The following YAF2 variants were observed in gnomAD, a reference collection of about 807,000 sequenced individuals.
The protein encoded by YAF2 is YY1-associated factor 2.
In YAF2, 7 loss-of-function variants were observed where a neutral mutation model predicts 20.1. The observed-to-expected ratio is 0.35, with a 90% CI of 0.20 to 0.65. The LOEUF is 0.65. YAF2 is among the 30% of genes least tolerant of loss of function. YAF2 has a pLI of 0.69. For missense variants in YAF2, 151 were observed against 219.2 expected (o/e 0.69, Z 1.96); for synonymous variants, 74 against 76.0 (o/e 0.97, Z 0.14).
chr12:42,232,697 A>G (rs1358255959), intron 2 of YAF2: 1 of 985,286 alleles, frequency 1.0e-6, no homozygotes, highest in Admixed American at 6.2e-5. Context: ...CCAAACCTCA[A>G]ATTTGAAGAC....
intron 3 of YAF2, 41 bp from the exon 4 acceptor site, chr12:42,160,867 C>T (rs763541805): frequency 2.0e-6 from 3 of 1,522,622 alleles, no homozygotes; most frequent in Non-Finnish European, 2.7e-6. Context: ...GCTTTTCCCT[C>T]TACCAAATTT....
chr12:42,203,752 T>G (rs2066963893), intron 2 of YAF2, among the ~76,000 whole-genome samples: 1 of 152,212 alleles, frequency 6.6e-6, no homozygotes, highest in Admixed American at 6.5e-5. Context: ...TAAGACTGAA[T>G]GTAATATATT....
intron 2 of YAF2, among the ~76,000 whole-genome samples, chr12:42,165,272 T>G (rs2065886755): frequency 6.6e-6 from 1 of 152,160 alleles, no homozygotes; most frequent in Non-Finnish European, 1.5e-5. Context: ...AAATAACTTC[T>G]GTCCATGTTT....
chr12:42,234,039 C>T (rs1010260080), intron 2 of YAF2: 12 of 635,784 alleles, frequency 1.9e-5, no homozygotes, highest in East Asian at 1.4e-4. Context: ...GGTGTGGTGG[C>T]GGGCACCTGT....
At chr12:42,161,192 C>A in intron 3 of YAF2, 1 of 286,596 alleles carries the variant, frequency 3.5e-6, no homozygotes, top group Non-Finnish European at 6.5e-6. Flanking sequence ...GAGCTATATG[C>A]AAGGAAGACT....
chr12:42,198,613 A>C (rs2066817047), intron 2 of YAF2, among the ~76,000 whole-genome samples: 1 of 152,232 alleles, frequency 6.6e-6, no homozygotes, highest in African/African-American at 2.4e-5. Context: ...TATCAGAATG[A>C]AACATCACAT....
intron 2 of YAF2, among the ~76,000 whole-genome samples, chr12:42,189,316 C>G (rs1592206420): frequency 6.6e-6 from 1 of 152,202 alleles, no homozygotes; most frequent in Middle Eastern, 3.4e-3. Context: ...TGGTCTGGAG[C>G]CTGGGATTTG....
Position 42,209,828 on chromosome 12 carries a change from C to T in YAF2, c.152+27771G>A, listed in dbSNP as rs185667186. Among the ~76,000 whole-genome samples, 29 of 152,254 alleles carry T rather than the reference C, an allele frequency of 1.9e-4. 1 individual carries two copies. The highest frequency in any genetic ancestry group is 1.2e-3 in the Admixed American group (18 of 15,292). ...TTTTTTGTTTTTTGAGACAGAGTTT[C>T]GCTCTTGTTGCCCAGGTTGGAGTGC... is the stretch of plus-strand genomic sequence containing the variant. On this transcript the variant is annotated intron_variant, in intron 2 of 3. Coordinates refer to ENST00000534854, the MANE Select transcript of YAF2 (RefSeq NM_005748.6).
At chr12:42,213,004 G>A (rs2067254945) in intron 2 of YAF2, among the ~76,000 whole-genome samples, 1 of 152,182 alleles carries the variant, frequency 6.6e-6, no homozygotes, top group African/African-American at 2.4e-5. Flanking sequence ...AGATCAAGGA[G>A]CAATAATGCA....
intron 2 of YAF2, among the ~76,000 whole-genome samples, chr12:42,228,186 G>T (rs368919573): frequency 0.12 from 4,171 of 34,872 alleles, 61 homozygotes; most frequent in African/African-American, 0.18. Flanking sequence ...CGCCCCGTCC[G>T]GGAGGGAGGT....
chr12:42,224,206 G>C (rs1050710659), intron 2 of YAF2, among the ~76,000 whole-genome samples: 3 of 151,946 alleles, frequency 2.0e-5, no homozygotes, highest in African/African-American at 7.3e-5. Context: ...ACCCTTAAAG[G>C]CTAGAATTGG....
intron 2 of YAF2, chr12:42,233,488 T>G: frequency 5.1e-6 from 5 of 982,488 alleles, no homozygotes; most frequent in Non-Finnish European, 6.0e-6. Context: ...CCTTAATATT[T>G]AATATTTCAT....
intron 2 of YAF2, chr12:42,210,589 G>A (rs986763000): frequency 1.3e-6 from 2 of 1,536,040 alleles, no homozygotes; most frequent in Non-Finnish European, 1.7e-6. Flanking sequence ...TGGTCCTCGA[G>A]GCACTCACAA....
At chr12:42,235,529 T>C (rs2068121342) in intron 2 of YAF2, 8 of 1,326,688 alleles carry the variant, frequency 6.0e-6, no homozygotes, top group Non-Finnish European at 7.7e-6. Context: ...AGCTCTTAGG[T>C]TTAACTTAGA....
intron 2 of YAF2, among the ~76,000 whole-genome samples, chr12:42,171,483 C>T (rs1187268387): frequency 2.0e-5 from 3 of 150,322 alleles, no homozygotes; most frequent in Non-Finnish European, 4.4e-5. Flanking sequence ...GACTGGGCAA[C>T]GTGGTATGAC....
chr12:42,199,969 A>C (rs912778202), intron 2 of YAF2, among the ~76,000 whole-genome samples: 1 of 152,330 alleles, frequency 6.6e-6, no homozygotes, highest in African/African-American at 2.4e-5. Flanking sequence ...AATCAATGGA[A>C]GACATCTCAA....
rs199878593 is a variant in YAF2, at chr12:42,212,738, TCTTA to T, written c.152+24857_152+24860del. 1.2e-3 allele frequency among the ~76,000 whole-genome samples: 187 copies of T among 152,374 alleles called. 1 individual carries two copies. The South Asian group carries it at 0.031, about 25-fold the overall frequency. ...AAGATTGTCAAGATCTGTGATAGAT[TCTTA>T]CTTAAATTTAAGATACAAATTGCCT... On this transcript the variant is annotated intron_variant, in intron 2 of 3. Transcript: ENST00000534854.
chr12:42,189,198 C>A (rs1592206217), intron 2 of YAF2, among the ~76,000 whole-genome samples: 1 of 152,030 alleles, frequency 6.6e-6, no homozygotes, highest in African/African-American at 2.4e-5. Flanking sequence ...TTTCAGAAAA[C>A]CTGCTAGTAA....
chr12:42,177,729 C>T (rs2066232944), intron 2 of YAF2, among the ~76,000 whole-genome samples: 2 of 152,168 alleles, frequency 1.3e-5, no homozygotes, highest in African/African-American at 4.8e-5. Flanking sequence ...CCACTCACTC[C>T]CTCACTTCTT....
Sources: allele counts gnomAD v4.1 joint callset (sites outside exome capture counted in the v4.1 genomes callset), GRCh38; gene constraint gnomAD v4.1.1; transcripts MANE v1.5; gene names NCBI Gene and HGNC (gene_info 2026-07-23, HGNC 2026-07-21).